The following PPP3CB variants were observed in gnomAD, a reference collection of about 807,000 sequenced individuals.
PPP3CB encodes the protein protein phosphatase 3 catalytic subunit beta.
Under a neutral mutation model 66.4 loss-of-function variants are expected in PPP3CB, and 8 were observed. The ratio of observed to expected loss-of-function variants is 0.12; its 90% CI spans 0.07 to 0.22. The LOEUF is 0.22. PPP3CB is among the 10% of genes least tolerant of loss of function. PPP3CB has a pLI of 1.00. For missense variants in PPP3CB, 319 were observed against 642.5 expected, an observed-to-expected ratio of 0.50 and a Z score of 5.44; for synonymous variants, 208 against 221.2, an observed-to-expected ratio of 0.94 and a Z score of 0.53.
intron 1 of PPP3CB, among the ~76,000 whole-genome samples, chr10:73,481,625 T>TAAAAAAAAACAA (rs2056880541): frequency 1.4e-5 from 2 of 138,654 alleles, no homozygotes; most frequent in African/African-American, 5.5e-5. Flanking sequence ...TTAAAGTAAC[T>TAAAAAAAAACAA]AAAAAAAAAC....
intron 13 of PPP3CB, among the ~76,000 whole-genome samples, chr10:73,438,697 A>G (rs112448442): frequency 2.8e-4 from 43 of 152,344 alleles, no homozygotes; most frequent in African/African-American, 9.4e-4. Flanking sequence ...TCCTGCCCCC[A>G]AAATCAACCT....
At chr10:73,490,635 C>G (rs1469097122) in intron 1 of PPP3CB, among the ~76,000 whole-genome samples, 1 of 152,188 alleles carries the variant, frequency 6.6e-6, no homozygotes, top group African/African-American at 2.4e-5. Flanking sequence ...CCAATTCATT[C>G]AATAGCTCTG....
chr10:73,493,161 A>G (rs2057106321), intron 1 of PPP3CB, among the ~76,000 whole-genome samples: 1 of 151,914 alleles, frequency 6.6e-6, no homozygotes, highest in African/African-American at 2.4e-5. Flanking sequence ...CTATAATCCC[A>G]GCTACTCGGG....
chr10:73,438,259 T>A lies in PPP3CB; in HGVS notation c.1558A>T (p.Asn520Tyr). The A allele has an allele frequency of 6.2e-7, 1 of 1,613,874 alleles. No individual in the cohort carries two copies. The highest frequency in any genetic ancestry group is 8.5e-7 in the Non-Finnish European group (1 of 1,179,920). ...GTAGTGGGTCACTGGGCAGTATGGT[T>A]GCCCGTCCCGTGGTTCTCAGTGGCA... The part of the protein sequence containing the change: ...AHATENHGTG[N>Y]HTAQ The change falls in exon 14 of 14, where the codon AAC becomes TAC. Residue 520 changes from asparagine to tyrosine, a missense_variant. By Grantham distance (143) the Asn-to-Tyr change is moderately radical. Transcript: ENST00000360663.
intron 9 of PPP3CB, among the ~76,000 whole-genome samples, chr10:73,459,085 C>A (rs1174399371): frequency 6.6e-6 from 1 of 152,030 alleles, no homozygotes; most frequent in Non-Finnish European, 1.5e-5. Flanking sequence ...ACAACAACAA[C>A]AATAAAATGG....
chr10:73,467,807 G>A (rs919493627), intron 8 of PPP3CB, 129 bp from the exon 9 acceptor site: 1 of 790,084 alleles, frequency 1.3e-6, no homozygotes, highest in African/African-American at 1.9e-5. Context: ...GTGGAATCAG[G>A]GCTGGTAGAG....
intron 1 of PPP3CB, among the ~76,000 whole-genome samples, chr10:73,481,696 C>T (rs1322015717): frequency 1.3e-5 from 2 of 151,090 alleles, no homozygotes; most frequent in African/African-American, 2.4e-5. Flanking sequence ...ACCACATTCT[C>T]ATACCAGGAG....
Position 73,495,882 on chromosome 10 carries a change from G to A in PPP3CB, c.8C>T (p.Ala3Val). MA[A>V]PEPARAAPPP... The stretch of plus-strand genomic sequence containing the variant: ...CGGTGCAGCCCGGGCCGGCTCCGGG[G>A]CGGCCATGCTGGGCCCGGGGCTCGG... The change falls in exon 1 of 14, where the codon GCC becomes GTC. Residue 3 changes from alanine to valine, a missense_variant. This residue lies in a region of PPP3CB where 104 missense variants were observed against 128.4 expected (regional missense o/e 0.81). Transcript: ENST00000360663. 1.5e-6 allele frequency: 2 copies of A among 1,344,016 alleles called. No individual in the cohort carries two copies. Among genetic ancestry groups the A allele is most frequent in the Non-Finnish European group, 9.5e-7 (1 of 1,051,106 alleles). The allele number at this position is 1,344,016 out of a possible 1,614,324, so 83.3% of individuals were successfully genotyped here.
At chr10:73,451,101 C>T (rs1374354273) in intron 10 of PPP3CB, among the ~76,000 whole-genome samples, 1 of 151,986 alleles carries the variant, frequency 6.6e-6, no homozygotes, top group Non-Finnish European at 1.5e-5. Flanking sequence ...TTAGACTTAA[C>T]AAGGAACCTT....
chr10:73,468,582 C>T (rs2056655211), intron 8 of PPP3CB, among the ~76,000 whole-genome samples: 1 of 152,132 alleles, frequency 6.6e-6, no homozygotes, highest in Admixed American at 6.5e-5. Context: ...CATGAAAATA[C>T]ATAAAAGTAT....
intron 13 of PPP3CB, 85 bp from the exon 14 acceptor site, chr10:73,438,505 AAG>A (rs2056099976): frequency 7.9e-7 from 1 of 1,258,028 alleles, no homozygotes; most frequent in African/African-American, 1.5e-5. Flanking sequence ...TTTAAGAAGA[AAG>A]AAATTAGTAG....
chr10:73,438,844 A>G (rs951691181), intron 13 of PPP3CB, among the ~76,000 whole-genome samples: 1 of 152,138 alleles, frequency 6.6e-6, no homozygotes, highest in African/African-American at 2.4e-5. Context: ...AAACAAGGTT[A>G]ATCCTCAATA....
chr10:73,463,961 C>T (rs1023383986), intron 9 of PPP3CB, among the ~76,000 whole-genome samples: 10 of 152,028 alleles, frequency 6.6e-5, no homozygotes, highest in East Asian at 5.8e-4. Flanking sequence ...GACAGAGTCT[C>T]GCTCTGTTGC....
Position 73,444,735 on chromosome 10 carries a change from G to A in PPP3CB, c.1356C>T (p.Thr452=), listed in dbSNP as rs1423093225. Reference sequence around the variant, plus strand: ...GCATAACATCATTACCACTTTGCAGGGTCTGCCGTCCTCCAGCTAACACTC... The same window carrying A: ...GCATAACATCATTACCACTTTGCAGAGTCTGCCGTCCTCCAGCTAACACTC... The part of the protein sequence containing the change: ...PSGVLAGGRQ[T]LQSATVEAIE... Residue 452 remains threonine, a synonymous_variant, in exon 12 of 14, where the codon ACC becomes ACT. Coordinates refer to ENST00000360663, the MANE Select transcript of PPP3CB (RefSeq NM_021132.4). 5.6e-6 allele frequency: 9 copies of A among 1,613,948 alleles called. No individual in the cohort carries two copies. Among genetic ancestry groups the A allele is most frequent in the Non-Finnish European group, 7.6e-6 (9 of 1,180,020 alleles).
At chr10:73,479,125 G>T (rs1473646616) in intron 2 of PPP3CB, among the ~76,000 whole-genome samples, 192 bp downstream of exon 2, 1 of 152,162 alleles carries the variant, frequency 6.6e-6, no homozygotes, top group Non-Finnish European at 1.5e-5. Flanking sequence ...TCTACACTCA[G>T]ATTATTTAGA....
intron 10 of PPP3CB, among the ~76,000 whole-genome samples, chr10:73,449,011 T>C (rs2056304647): frequency 6.6e-6 from 1 of 152,076 alleles, no homozygotes; most frequent in African/African-American, 2.4e-5. Context: ...TGAAAACACA[T>C]AAGACTGAAA....
intron 12 of PPP3CB, chr10:73,444,110 A>C (rs1195206782): frequency 3.3e-5 from 5 of 152,998 alleles, no homozygotes; most frequent in Admixed American, 3.3e-4. Context: ...CAGAGGAAGG[A>C]AACAGCATGT....
At chr10:73,486,085 A>C (rs1332023301) in intron 1 of PPP3CB, among the ~76,000 whole-genome samples, 1 of 151,780 alleles carries the variant, frequency 6.6e-6, no homozygotes, top group Non-Finnish European at 1.5e-5. Flanking sequence ...AGCTGGGATT[A>C]CAGGCGTGCA....
chr10:73,462,420 G>C (rs74496369), intron 9 of PPP3CB, among the ~76,000 whole-genome samples: 7,057 of 151,996 alleles, frequency 0.046, 501 homozygotes, highest in African/African-American at 0.15. Flanking sequence ...AACGGTATGA[G>C]GGTCCTACTG....
Sources: allele counts gnomAD v4.1 joint callset (sites outside exome capture counted in the v4.1 genomes callset), GRCh38; gene constraint gnomAD v4.1.1; regional missense constraint gnomAD v4.1.1; transcripts MANE v1.5; gene names NCBI Gene and HGNC (gene_info 2026-07-23, HGNC 2026-07-21).